DLC1: variants seen among roughly 807,000 people sequenced by gnomAD.
The protein encoded by DLC1 is DLC1 Rho GTPase activating protein.
DLC1 carries 54 observed loss-of-function variants against 140.3 expected under a neutral mutation model. The ratio of observed to expected loss-of-function variants is 0.38; its 90% CI spans 0.31 to 0.48. The LOEUF is 0.48. Among genes scored for constraint, DLC1 ranks in the 20% least tolerant of loss-of-function variants. The pLI is 0.96. For synonymous variants in DLC1, 986 were observed against 728.1 expected (o/e 1.35, Z -5.70); for missense variants, 2,536 against 1,907.0 (o/e 1.33, Z -6.14).
Position 13,122,376 on chromosome 8 carries a change from A to G in DLC1, c.1349-6719T>C, listed in dbSNP as rs549052083. Among the ~76,000 whole-genome samples, 219 of 152,294 alleles carry G rather than the reference A, an allele frequency of 1.4e-3. 1 individual carries two copies. Among genetic ancestry groups the G allele is most frequent in the African/African-American group, 4.9e-3 (205 of 41,562 alleles). On this transcript the variant is annotated intron_variant, in intron 5 of 17. Coordinates refer to ENST00000276297, the MANE Select transcript of DLC1 (RefSeq NM_182643.3). Reference sequence around the variant, plus strand: ...CATACCTTAAGCCCTGAGTTCTCTCAAATGAATTACCCCTTCTTCACTCCA... The same window carrying G: ...CATACCTTAAGCCCTGAGTTCTCTCGAATGAATTACCCCTTCTTCACTCCA...
intron 5 of DLC1, among the ~76,000 whole-genome samples, chr8:13,211,603 C>T (rs1192434615): frequency 6.6e-6 from 1 of 152,144 alleles, no homozygotes; most frequent in Non-Finnish European, 1.5e-5. Flanking sequence ...ATATTGGTCT[C>T]TTTCTAAAAC....
intron 4 of DLC1, among the ~76,000 whole-genome samples, chr8:13,358,867 A>C (rs1835072422): frequency 6.6e-6 from 1 of 152,214 alleles, no homozygotes; most frequent in Admixed American, 6.5e-5. Context: ...ATGTTTGTGA[A>C]TGCTGGAAGG....
chr8:13,225,406 G>A (rs1828748415), intron 5 of DLC1, among the ~76,000 whole-genome samples: 2 of 151,984 alleles, frequency 1.3e-5, no homozygotes, highest in South Asian at 4.1e-4. Context: ...AACCAGGGAG[G>A]GCAAATATCT....
At chr8:13,162,481 C>T (rs992998176) in intron 5 of DLC1, among the ~76,000 whole-genome samples, 1 of 152,172 alleles carries the variant, frequency 6.6e-6, no homozygotes, top group Admixed American at 6.5e-5. Context: ...TGCCACCAAA[C>T]CCGGCTAATT....
rs572866767 is a variant in DLC1, at chr8:13,508,478, C to T, written c.-126+6124G>A. Among the ~76,000 whole-genome samples the T allele has an allele frequency of 9.4e-5, 14 of 148,702 alleles. No homozygotes were observed. The East Asian group carries it at 2.6e-3, about 27-fold the overall frequency. Reference sequence around the variant, plus strand: ...TGTCGCCCAGGCTGGAGTGCAGTGGCGCGATCTGGGCTCACTGCAAGCTCT... The same window carrying T: ...TGTCGCCCAGGCTGGAGTGCAGTGGTGCGATCTGGGCTCACTGCAAGCTCT... On this transcript the variant is annotated intron_variant, in intron 1 of 17. Transcript: ENST00000276297.
intron 2 of DLC1, among the ~76,000 whole-genome samples, chr8:13,421,085 C>T (rs975239190): frequency 6.6e-6 from 1 of 152,222 alleles, no homozygotes; most frequent in East Asian, 1.9e-4. Flanking sequence ...GCTGTAATTC[C>T]TCGTTAATCT....
At chr8:13,381,714 A>G (rs1259964478) in intron 4 of DLC1, among the ~76,000 whole-genome samples, 3 of 152,120 alleles carry the variant, frequency 2.0e-5, no homozygotes, top group Non-Finnish European at 4.4e-5. Context: ...CTCATGAGAG[A>G]CCCTGTCCTA....
chr8:13,299,460 A>G (rs1832093859), intron 5 of DLC1, among the ~76,000 whole-genome samples: 1 of 149,828 alleles, frequency 6.7e-6, no homozygotes, highest in African/African-American at 2.4e-5. Context: ...AAAAAAGAAA[A>G]AAAAAAAAGC....
chr8:13,149,229 T>G (rs538556090), intron 5 of DLC1, among the ~76,000 whole-genome samples: 2 of 152,352 alleles, frequency 1.3e-5, no homozygotes, highest in South Asian at 4.1e-4. Flanking sequence ...CCCTTCCTAG[T>G]TCACATCCCA....
At chr8:13,121,061 G>C (rs1229940573) in intron 5 of DLC1, among the ~76,000 whole-genome samples, 1 of 152,082 alleles carries the variant, frequency 6.6e-6, no homozygotes, top group Non-Finnish European at 1.5e-5. Flanking sequence ...ACCAAAATCA[G>C]GCTTCGATGC....
chr8:13,564,342 A>G (rs1027700129), intron 1 of DLC1, among the ~76,000 whole-genome samples: 9 of 152,222 alleles, frequency 5.9e-5, no homozygotes, highest in African/African-American at 1.7e-4. Context: ...CTTCACAAAA[A>G]TGGCCATTAC....
At chr8:13,174,318 A>C (rs543850654) in intron 5 of DLC1, among the ~76,000 whole-genome samples, 1 of 152,306 alleles carries the variant, frequency 6.6e-6, no homozygotes, top group South Asian at 2.1e-4. Context: ...CAGTGCTGTT[A>C]TGAACATACA....
At chr8:13,298,042 C>T (rs995947279) in intron 5 of DLC1, among the ~76,000 whole-genome samples, 3 of 152,100 alleles carry the variant, frequency 2.0e-5, no homozygotes, top group Non-Finnish European at 4.4e-5. Context: ...ACGCATTTGT[C>T]ACAAAGAAGT....
At chr8:13,395,756 T>C (rs1014054972) in intron 3 of DLC1, among the ~76,000 whole-genome samples, 2 of 140,972 alleles carry the variant, frequency 1.4e-5, no homozygotes, top group African/African-American at 2.5e-5. Context: ...TGCATGTGTG[T>C]GTGTGCGTGT....
intron 5 of DLC1, among the ~76,000 whole-genome samples, chr8:13,155,091 T>C (rs931714169): frequency 2.0e-5 from 3 of 152,022 alleles, no homozygotes; most frequent in African/African-American, 4.8e-5. Flanking sequence ...ACACCCTTTT[T>C]CTTCACTAAT....
At chr8:13,181,239 C>T (rs535494800) in intron 5 of DLC1, among the ~76,000 whole-genome samples, 2 of 152,144 alleles carry the variant, frequency 1.3e-5, no homozygotes, top group African/African-American at 2.4e-5. Flanking sequence ...AAAGCTCTTC[C>T]CCCAGCAAGC....
chr8:13,137,297 A>G (rs1822639521), intron 5 of DLC1, among the ~76,000 whole-genome samples: 1 of 152,156 alleles, frequency 6.6e-6, no homozygotes, highest in South Asian at 2.1e-4. Flanking sequence ...AGATAACGTT[A>G]GATAATGTTA....
intron 1 of DLC1, among the ~76,000 whole-genome samples, chr8:13,571,116 T>A (rs1267075147): frequency 6.6e-6 from 1 of 152,248 alleles, no homozygotes; most frequent in African/African-American, 2.4e-5. Flanking sequence ...TCTTATGTAT[T>A]ATTCCAGTGC....
chr8:13,214,710 G>C, intron 5 of DLC1: 1 of 780,942 alleles, frequency 1.3e-6, no homozygotes, highest in Non-Finnish European at 2.4e-6. Context: ...CCACTTCCGA[G>C]TTGGAAAAAT....
Sources: gnomAD v4.1 joint callset for allele counts (sites outside exome capture counted in the v4.1 genomes callset) on GRCh38, gnomAD v4.1.1 for gene constraint, MANE v1.5 for transcripts, NCBI Gene and HGNC (gene_info 2026-07-23, HGNC 2026-07-21) for gene names.